Variants in ULK4 observed in about 807,000 individuals in gnomAD.
ULK4 encodes inactive serine/threonine-protein kinase ULK4.
ULK4 carries 133 observed loss-of-function variants against 160.6 expected under a neutral mutation model. The observed-to-expected ratio is 0.83, with a 90% CI of 0.72 to 0.96. The LOEUF (loss-of-function observed/expected upper bound fraction) is 0.96. Among genes scored for constraint, ULK4 ranks in the 40% least tolerant of loss-of-function variants. The pLI is 0.00. For missense variants in ULK4, 1,580 were observed against 1,499.5 expected (o/e 1.05, Z -0.89); for synonymous variants, 534 against 539.8 (o/e 0.99, Z 0.15).
intron 16 of ULK4, among the ~76,000 whole-genome samples, chr3:41,892,260 G>A (rs1159889657): frequency 1.3e-5 from 2 of 152,100 alleles, no homozygotes; most frequent in Admixed American, 6.6e-5. Context: ...TTTCTCCAAA[G>A]AAGATATACA....
chr3:41,766,818 A>G (rs11709860), intron 21 of ULK4: 4 of 152,232 alleles, frequency 2.6e-5, no homozygotes, highest in Non-Finnish European at 5.9e-5. Flanking sequence ...ACATGTAGCC[A>G]TGAGGGAGGA....
intron 25 of ULK4, among the ~76,000 whole-genome samples, chr3:41,712,198 A>C (rs2037121721): frequency 6.6e-6 from 1 of 152,236 alleles, no homozygotes; most frequent in South Asian, 2.1e-4. Flanking sequence ...CCAAAAAAAC[A>C]AAAAATGTCT....
In ULK4 at chr3:41,658,328, T is replaced by C. The variant is rs143801270; in HGVS notation, c.3071+5279A>G. The stretch of plus-strand genomic sequence containing the variant: ...TGCCAGTGTCTAGCCCTAGAGATTG[T>C]GATTTAATTGGCCTAGGGTATGGCC... On this transcript the variant is annotated intron_variant, in intron 30 of 36. Coordinates refer to ENST00000301831, the MANE Select transcript of ULK4 (RefSeq NM_017886.4). Among the ~76,000 whole-genome samples the C allele has an allele frequency of 1.7e-3, 259 of 152,312 alleles. 2 individuals are homozygous for C. Among genetic ancestry groups the C allele is most frequent in the African/African-American group, 6.0e-3 (250 of 41,566 alleles).
intron 30 of ULK4, among the ~76,000 whole-genome samples, chr3:41,617,299 T>A (rs114250869): frequency 0.049 from 7,389 of 152,272 alleles, 242 homozygotes; most frequent in African/African-American, 0.079. Context: ...CTCAAGTGGG[T>A]CCCTGACCCC....
At chr3:41,521,513 T>C (rs2085931580) in intron 32 of ULK4, among the ~76,000 whole-genome samples, 1 of 152,220 alleles carries the variant, frequency 6.6e-6, no homozygotes, top group Non-Finnish European at 1.5e-5. Context: ...TTTGTAACAA[T>C]GACTCTAAGA....
rs527875822 is a variant in ULK4 at position 41,658,637 on chromosome 3, G to C, written c.3071+4970C>G. On this transcript the variant is annotated intron_variant, in intron 30 of 36. Transcript: ENST00000301831. Reference sequence around the variant, plus strand: ...TCTGTTTAAAGGAGTGGCACAGATAGTATATGAATTACATTTCAATAAAAC... The same window carrying C: ...TCTGTTTAAAGGAGTGGCACAGATACTATATGAATTACATTTCAATAAAAC... Among the ~76,000 whole-genome samples, 12 of 152,050 alleles carry C rather than the reference G, an allele frequency of 7.9e-5. No homozygotes were observed. In the East Asian group the frequency reaches 2.3e-3, roughly 29 times the overall value.
chr3:41,714,254 T>A (rs1012128185), intron 25 of ULK4, among the ~76,000 whole-genome samples: 2 of 152,204 alleles, frequency 1.3e-5, no homozygotes, highest in African/African-American at 4.8e-5. Context: ...GGACCTTTAC[T>A]GCATTGCTTC....
rs1188745040 is a variant in ULK4 at position 41,931,129 on chromosome 3, C to CA, written c.541+714dup. 7.2e-5 allele frequency among the ~76,000 whole-genome samples: 11 copies of CA among 152,168 alleles called. No homozygotes were observed. In the South Asian group the frequency reaches 2.3e-3, roughly 32 times the overall value. On this transcript the variant is annotated intron_variant, in intron 5 of 36. Transcript: ENST00000301831. ...GGATAAAGAAAATGTGGCACATATA[C>CA]ACCACAGAATACTATGCAGCCATAA...
chr3:41,581,923 T>C (rs1575446126), intron 31 of ULK4, among the ~76,000 whole-genome samples: 1 of 152,160 alleles, frequency 6.6e-6, no homozygotes, highest in East Asian at 1.9e-4. Context: ...GGTCTTGCGG[T>C]TGAGTGAAAT....
intron 18 of ULK4, 112 bp from the exon 19 acceptor site, chr3:41,819,618 T>G (rs2041080224): frequency 4.6e-6 from 4 of 865,026 alleles, no homozygotes; most frequent in Non-Finnish European, 5.3e-6. Flanking sequence ...AACTTAATAG[T>G]CTATTTAAAG....
At chr3:41,820,740 C>T (rs6783001) in intron 18 of ULK4, among the ~76,000 whole-genome samples, 1 of 151,904 alleles carries the variant, frequency 6.6e-6, no homozygotes, top group South Asian at 2.1e-4. Flanking sequence ...CCAATCTATT[C>T]ATGTAACAAA....
At chr3:41,916,230 A>AG (rs2148808902) in intron 7 of ULK4, among the ~76,000 whole-genome samples, 178 bp from the exon 8 acceptor site, 1 of 152,298 alleles carries the variant, frequency 6.6e-6, no homozygotes, top group Non-Finnish European at 1.5e-5. Flanking sequence ...CAGGATGGGG[A>AG]GGTACAGAAC....
rs189432059 is a variant in ULK4 at position 41,400,186 on chromosome 3, T to A, written c.3493-1922A>T. ...AATATCACAGCTAGAACCTTAGCCA[T>A]CAACCTTATTCTGATTTTACTAATT... On this transcript the variant is annotated intron_variant, in intron 34 of 36. Transcript: ENST00000301831. Among the ~76,000 whole-genome samples the A allele has an allele frequency of 3.3e-5, 5 of 152,270 alleles. No individual in the cohort carries two copies. The East Asian group carries it at 9.7e-4, about 29-fold the overall frequency.
Position 41,916,055 on chromosome 3 carries a change from A to G in ULK4, c.728-3T>C. 1.3e-6 allele frequency: 2 copies of G among 1,561,866 alleles called. No homozygotes were observed. The highest frequency in any genetic ancestry group is 1.7e-6 in the Non-Finnish European group (2 of 1,157,730). On this transcript the variant is annotated splice_region_variant and splice_polypyrimidine_tract_variant and intron_variant, in intron 7 of 36. Transcript: ENST00000301831. The stretch of plus-strand genomic sequence containing the variant: ...AGAAGCTTTAGGACGAGAAGAATCT[A>G]TAAATGAATTAATTTCCAAGAAAAA...
At chr3:41,430,147 C>T (rs528260522) in intron 34 of ULK4, among the ~76,000 whole-genome samples, 1 of 152,226 alleles carries the variant, frequency 6.6e-6, no homozygotes, top group African/African-American at 2.4e-5. Context: ...AAGAATATAA[C>T]TTTCTAATAA....
chr3:41,561,072 A>G (rs2087549206), intron 32 of ULK4, among the ~76,000 whole-genome samples: 1 of 152,202 alleles, frequency 6.6e-6, no homozygotes, highest in African/African-American at 2.4e-5. Flanking sequence ...TTTTAGCATG[A>G]AGGACTGTTG....
chr3:41,825,874 G>C (rs1465617633), intron 18 of ULK4, among the ~76,000 whole-genome samples: 1 of 152,170 alleles, frequency 6.6e-6, no homozygotes, highest in Non-Finnish European at 1.5e-5. Flanking sequence ...CATGAAAGTT[G>C]AAATGAAGAA....
At chr3:41,530,154 A>G (rs1308378368) in intron 32 of ULK4, among the ~76,000 whole-genome samples, 2 of 152,228 alleles carry the variant, frequency 1.3e-5, no homozygotes, top group Non-Finnish European at 2.9e-5. Context: ...AAGAAACTAT[A>G]CGTTAAACAA....
intron 25 of ULK4, among the ~76,000 whole-genome samples, chr3:41,712,872 C>A (rs2037149082): frequency 6.6e-6 from 1 of 151,120 alleles, no homozygotes. Flanking sequence ...GCCTGGGTGA[C>A]AGAGCAAGAC....
Sources: gnomAD v4.1 joint callset for allele counts (sites outside exome capture counted in the v4.1 genomes callset) on GRCh38, gnomAD v4.1.1 for gene constraint, MANE v1.5 for transcripts, NCBI Gene and HGNC (gene_info 2026-07-23, HGNC 2026-07-21) for gene names.